The following TONSL variants were observed in gnomAD, a reference collection of about 807,000 sequenced individuals.
The protein encoded by TONSL is tonsoku-like protein.
In TONSL, 112 loss-of-function variants were observed where a neutral mutation model predicts 147.1. The ratio of observed to expected loss-of-function variants is 0.76; its 90% CI spans 0.65 to 0.89. TONSL has a LOEUF of 0.89. Among genes scored for constraint, TONSL ranks in the 40% least tolerant of loss-of-function variants. The pLI is 0.00. For synonymous variants in TONSL, 868 were observed against 801.5 expected (o/e 1.08, Z -1.40); for missense variants, 1,883 against 1,864.6 (o/e 1.01, Z -0.18).
chr8:144,440,107 T>C lies in TONSL; in HGVS notation c.1394A>G (p.Glu465Gly), dbSNP rs758070162. The change falls in exon 11 of 26, where the codon GAA (glutamate) becomes GGA (glycine). Residue 465 changes from glutamate (E) to glycine (G), a missense_variant. Physicochemically the swap from Glu to Gly is moderately conservative, Grantham distance 98. Coordinates refer to ENST00000409379, the MANE Select transcript of TONSL (RefSeq NM_013432.5). ...CTCCTCCGCCTCCTCCTCCTCATCT[T>C]CATCTTCAGCTACACTGAGCTCCCG... ...RLRELSVAED[E>G]DEEEEAEEAA... is the part of the protein sequence containing the mutation. 1 of 1,611,646 alleles carries C rather than the reference T, an allele frequency of 6.2e-7. No homozygotes were observed. The highest frequency in any genetic ancestry group is 8.5e-7 in the Non-Finnish European group (1 of 1,179,356).
Position 144,434,082 on chromosome 8 carries a change from C to G in TONSL, c.3283G>C (p.Gly1095Arg), listed in dbSNP as rs1554879337. Residue 1095 changes from glycine to arginine, a missense_variant, in exon 21 of 26, where the codon GGC becomes CGC. Transcript: ENST00000409379. ...AGGAGGGCCAGGCTGGGCATGGTGCCCAGGGCAGCCACCAGCTCAGCCACA... is the reference window on the plus strand; with the variant it reads ...AGGAGGGCCAGGCTGGGCATGGTGCGCAGGGCAGCCACCAGCTCAGCCACA... ...KCVAELVAAL[G>R]TMPSLALLDL... 1.9e-6 allele frequency: 3 copies of G among 1,612,190 alleles called. No individual in the cohort carries two copies. Among genetic ancestry groups the G allele is most frequent in the African/African-American group, 1.3e-5 (1 of 74,924 alleles).
Position 144,436,012 on chromosome 8 carries a change from C to A in TONSL, c.2421G>T (p.Gly807=), listed in dbSNP as rs1282621857. The change falls in exon 17 of 26, where the codon GGG becomes GGT. Residue 807 remains glycine (G), a synonymous_variant. Coordinates refer to ENST00000409379, the MANE Select transcript of TONSL (RefSeq NM_013432.5). ...RGVGSAQSRL[G]PGPPRGHSKA... is the part of the protein sequence containing the mutation. ...TGCTGTGGCCCCGCGGTGGGCCAGG[C>A]CCCAGCCGGCTCTGAGCACTGCCCA... 5.2e-6 allele frequency: 8 copies of A among 1,551,618 alleles called. No individual in the cohort carries two copies. The highest frequency in any genetic ancestry group is 2.7e-5 in the African/African-American group (2 of 73,730).
intron 7 of TONSL, 86 bp from the exon 8 acceptor site, chr8:144,441,197 GC>G (rs1380433534): frequency 5.9e-6 from 9 of 1,528,978 alleles, no homozygotes; most frequent in Admixed American, 1.9e-5. Context: ...CCCTGTGGTG[GC>G]CCCCCCACTC....
rs371662704 is a variant in TONSL at position 144,440,850 on chromosome 8, C to T, written c.1032G>A (p.Leu344=). The T allele has an allele frequency of 9.9e-5, 159 of 1,612,700 alleles. No individual in the cohort carries two copies. Among genetic ancestry groups the T allele is most frequent in the Non-Finnish European group, 1.3e-4 (155 of 1,179,940 alleles). The stretch of plus-strand genomic sequence containing the variant: ...TGGCCCGCTCAGCACCCGGTCTGTC[C>T]AGCAGCTCAGCAAAACGCAGCTGGG... ...YQKQLRFAEL[L]DRPGAERAII... Residue 344 remains leucine, a synonymous_variant, in exon 9 of 26, where the codon CTG becomes CTA. Coordinates refer to ENST00000409379, the MANE Select transcript of TONSL (RefSeq NM_013432.5).
intron 3 of TONSL, among the ~76,000 whole-genome samples, 190 bp from the exon 4 acceptor site, chr8:144,443,511 C>T (rs1056736283): frequency 6.6e-6 from 1 of 152,254 alleles, no homozygotes; most frequent in African/African-American, 2.4e-5. Context: ...AGTGGCTTCA[C>T]GCTGTATGCA....
In TONSL at chr8:144,433,583, C is replaced by T. The variant is rs782131078; in HGVS notation, c.3559+5G>A. On this transcript the variant is annotated splice_donor_5th_base_variant and intron_variant, in intron 22 of 25. Transcript: ENST00000409379. The stretch of plus-strand genomic sequence containing the variant: ...GAGTGGACAGGGAGTGCCTGGTCAG[C>T]TCACCTTGGAAAGCACTACCCAGTG... The T allele has an allele frequency of 5.0e-6, 8 of 1,612,878 alleles. No individual in the cohort carries two copies. The highest frequency in any genetic ancestry group is 4.5e-5 in the East Asian group (2 of 44,880).
Position 144,437,083 on chromosome 8 carries a change from G to A in TONSL, c.1670C>T (p.Pro557Leu), listed in dbSNP as rs1564731220. Residue 557 changes from proline to leucine, a missense_variant, in exon 14 of 26, where the codon CCT becomes CTT. Transcript: ENST00000409379. ...DLVRQGHPLNPRDYCGWTPLH... is the reference protein window; with the variant it reads ...DLVRQGHPLNLRDYCGWTPLH... The stretch of plus-strand genomic sequence containing the variant: ...AGGTGTCCAGCCACAGTAGTCCCGA[G>A]GGTTAAGGGGGTGGCCCTGTGACCA... The A allele has an allele frequency of 6.2e-7, 1 of 1,613,094 alleles. No individual in the cohort carries two copies.
chr8:144,435,143 C>G lies in TONSL; in HGVS notation c.2880G>C (p.Leu960=), dbSNP rs1564728779. The G allele has an allele frequency of 6.4e-7, 1 of 1,568,422 alleles. No individual in the cohort carries two copies. The highest frequency in any genetic ancestry group is 1.2e-5 in the South Asian group (1 of 86,848). Reference sequence around the variant, plus strand: ...AGTAGCGCTGGGCCGCCTGCTCGGCCAGCCAGGCCACAGAGTGGGTGTCAC... The same window carrying G: ...AGTAGCGCTGGGCCGCCTGCTCGGCGAGCCAGGCCACAGAGTGGGTGTCAC... ...HSSDTHSVAW[L]AEQAAQRYYQ... is the part of the protein sequence containing the mutation. The change falls in exon 19 of 26, where the codon CTG becomes CTC. Residue 960 remains leucine, a synonymous_variant. Transcript: ENST00000409379.
chr8:144,437,482 A>T lies in TONSL; in HGVS notation c.1654-383T>A, dbSNP rs1823515373. Among the ~76,000 whole-genome samples the T allele has an allele frequency of 2.7e-5, 4 of 147,358 alleles. No homozygotes were observed. In the East Asian group the frequency reaches 5.9e-4, roughly 22 times the overall value. Reference sequence around the variant, plus strand: ...ATGCATACCACACAGCAGGTACCCCATTTTTTTTTTGAGACCAGCCAGGCT... The same window carrying T: ...ATGCATACCACACAGCAGGTACCCCTTTTTTTTTTTGAGACCAGCCAGGCT... On this transcript the variant is annotated intron_variant, in intron 13 of 25. Coordinates refer to ENST00000409379, the MANE Select transcript of TONSL (RefSeq NM_013432.5).
chr8:144,431,511 T>A (rs1389325504), intron 23 of TONSL, among the ~76,000 whole-genome samples: 6 of 151,642 alleles, frequency 4.0e-5, no homozygotes, highest in African/African-American at 1.5e-4. Context: ...CAGCTGTTTT[T>A]TTCTTTTTTT....
intron 9 of TONSL, 115 bp from the exon 10 acceptor site, chr8:144,440,591 G>A: frequency 6.6e-7 from 1 of 1,522,254 alleles, no homozygotes; most frequent in Non-Finnish European, 8.8e-7. Flanking sequence ...CAGCTGCCGA[G>A]GGTGGATGGT....
intron 10 of TONSL, 45 bp from the exon 11 acceptor site, chr8:144,440,255 C>T (rs200534480): frequency 5.8e-6 from 9 of 1,554,018 alleles, no homozygotes; most frequent in South Asian, 1.2e-5. Context: ...GGGCTGTGGA[C>T]GCAGAGAAAG....
In TONSL at chr8:144,435,491, G is replaced by A. The variant is rs1474221617; in HGVS notation, c.2835C>T (p.Leu945=). 3.2e-6 allele frequency: 5 copies of A among 1,548,900 alleles called. No individual in the cohort carries two copies. Among genetic ancestry groups the A allele is most frequent in the South Asian group, 2.4e-5 (2 of 83,796 alleles). ...VRVQVQDHLF[L]IPVPHSSDTH... ...TGCCTCACCTGTGTGGGACAGGGAT[G>A]AGGAAGAGATGATCCTGAACTTGAA... is the stretch of plus-strand genomic sequence containing the variant. The change falls in exon 18 of 26, where the codon CTC becomes CTT. Residue 945 remains leucine (L), a synonymous_variant. Transcript: ENST00000409379.
At position 144,436,912 on chromosome 8, in the gene TONSL, G is replaced by A. The variant is rs201525526; in HGVS notation, c.1735C>T (p.Arg579Cys). Residue 579 changes from arginine to cysteine, a missense_variant, in exon 15 of 26, where the codon CGC (arginine) becomes TGC (cysteine). Arg to Cys is a radical substitution (Grantham distance 180, BLOSUM62 -3). Coordinates refer to ENST00000409379, the MANE Select transcript of TONSL (RefSeq NM_013432.5). ...ACNYGHLEIV[R>C]FLLDHGAAVD... is the part of the protein sequence containing the mutation. ...GCGGCCCCGTGGTCCAGCAGGAAGC[G>A]GACAATTTCTGCAGACCAGGAGACG... is the stretch of plus-strand genomic sequence containing the variant. 1.3e-4 allele frequency: 204 copies of A among 1,608,756 alleles called. No individual in the cohort carries two copies. In the Middle Eastern group the frequency reaches 1.7e-3, roughly 13 times the overall value.
rs146520900 is a variant in TONSL at position 144,442,347 on chromosome 8, G to A, written c.644C>T (p.Ala215Val). 2.5e-3 allele frequency: 4,046 copies of A among 1,591,278 alleles called. 7 individuals carry two copies. Among genetic ancestry groups the A allele is most frequent in the Non-Finnish European group, 3.3e-3 (3,840 of 1,165,086 alleles). The change falls in exon 6 of 26, where the codon GCG becomes GTG. Residue 215 changes from alanine to valine, a missense_variant. Physicochemically the swap from Ala to Val is moderately conservative, Grantham distance 64 (BLOSUM62 0). Transcript: ENST00000409379. ...GCGCATAGCCTGGGAGTGCTGGCCC[G>A]CGCGCCAGTGGATGGTGCCCAGGTT... is the stretch of plus-strand genomic sequence containing the variant. ...RYNLGTIHWR[A>V]GQHSQAMRCL...
intron 21 of TONSL, 29 bp downstream of exon 21, chr8:144,433,949 T>C: frequency 6.5e-7 from 1 of 1,536,414 alleles, no homozygotes; most frequent in Non-Finnish European, 8.8e-7. Flanking sequence ...TCCCCGCTGT[T>C]GAGGGCCTGC....
rs945744318 is a variant in TONSL at position 144,443,841 on chromosome 8, A to G, written c.264+41T>C. On this transcript the variant is annotated intron_variant, in intron 3 of 25. Transcript: ENST00000409379. Reference sequence around the variant, plus strand: ...CTCCCTCCTCAGAAAAGGGCTCCAGAGGCCGACCGGGCTGGACGAGGCCAG... The same window carrying G: ...CTCCCTCCTCAGAAAAGGGCTCCAGGGGCCGACCGGGCTGGACGAGGCCAG... The G allele has an allele frequency of 7.8e-6, 12 of 1,539,232 alleles. No homozygotes were observed. In the Admixed American group the frequency reaches 2.2e-4, roughly 28 times the overall value.
intron 22 of TONSL, chr8:144,432,721 T>C: frequency 2.6e-6 from 1 of 391,134 alleles, no homozygotes; most frequent in East Asian, 4.2e-5. Flanking sequence ...CTGGGCCACA[T>C]GCCTCTGCAC....
In TONSL at chr8:144,442,659, G is replaced by A. The variant is rs741969; in HGVS notation, c.578+18C>T. On this transcript the variant is annotated intron_variant, in intron 5 of 25. Coordinates refer to ENST00000409379, the MANE Select transcript of TONSL (RefSeq NM_013432.5). ...AACAAGGGACTCCACTCCCTCCTGG[G>A]GCGGGGCAGGGCCTTACTCCGCAAG... The A allele has an allele frequency of 0.51, 814,856 of 1,607,568 alleles. 208,369 individuals carry two copies. The highest frequency in any genetic ancestry group is 0.63 in the Middle Eastern group (3,789 of 6,030).
Sources: allele counts gnomAD v4.1 joint callset (sites outside exome capture counted in the v4.1 genomes callset), GRCh38; gene constraint gnomAD v4.1.1; transcripts MANE v1.5; gene names NCBI Gene and HGNC (gene_info 2026-07-23, HGNC 2026-07-21).